Variants in TEAD1 observed in about 807,000 individuals in gnomAD.
The protein encoded by TEAD1 is transcriptional enhancer factor TEF-1.
In TEAD1, 9 loss-of-function variants were observed where a neutral mutation model predicts 54.9. That is an observed-to-expected ratio of 0.16 (90% confidence interval 0.10 to 0.29). The LOEUF (loss-of-function observed/expected upper bound fraction) is 0.29. Among genes scored for constraint, TEAD1 ranks in the 10% least tolerant of loss-of-function variants. The pLI is 1.00. For missense variants in TEAD1, 387 were observed against 535.9 expected (o/e 0.72, Z 2.74); for synonymous variants, 200 against 187.8 (o/e 1.07, Z -0.53).
At chr11:12,704,081 TTC>T (rs1943762911) in intron 2 of TEAD1, among the ~76,000 whole-genome samples, 2 of 152,236 alleles carry the variant, frequency 1.3e-5, no homozygotes, top group South Asian at 4.1e-4. Context: ...ATATATTTAT[TTC>T]TTTTTATGGT....
At chr11:12,846,943 C>T (rs1947165848) in intron 3 of TEAD1, among the ~76,000 whole-genome samples, 1 of 152,176 alleles carries the variant, frequency 6.6e-6, no homozygotes, top group Admixed American at 6.5e-5. Context: ...TCTTTGATTT[C>T]TTGGAGCTTA....
intron 10 of TEAD1, among the ~76,000 whole-genome samples, chr11:12,917,046 A>C (rs1473968581): frequency 6.6e-6 from 1 of 152,186 alleles, no homozygotes; most frequent in Non-Finnish European, 1.5e-5. Flanking sequence ...GTAGCCATGG[A>C]ATCTGTGGAT....
intron 11 of TEAD1, among the ~76,000 whole-genome samples, chr11:12,925,967 A>C (rs1948897243): frequency 6.6e-6 from 1 of 152,110 alleles, no homozygotes; most frequent in South Asian, 2.1e-4. Context: ...TTTATGTTTC[A>C]TACCTTCCTC....
At chr11:12,768,934 T>C (rs756018150) in intron 3 of TEAD1, among the ~76,000 whole-genome samples, 5 of 152,174 alleles carry the variant, frequency 3.3e-5, no homozygotes, top group South Asian at 2.1e-4. Context: ...GGCCTGTTGC[T>C]GGCAGGAAGA....
intron 9 of TEAD1, among the ~76,000 whole-genome samples, chr11:12,898,382 T>A (rs916260367): frequency 4.0e-5 from 6 of 151,510 alleles, no homozygotes; most frequent in Admixed American, 1.3e-4. Flanking sequence ...TAGCTATAAT[T>A]TATTGAACAT....
At chr11:12,820,589 G>T (rs929076036) in intron 3 of TEAD1, among the ~76,000 whole-genome samples, 1 of 152,050 alleles carries the variant, frequency 6.6e-6, no homozygotes, top group African/African-American at 2.4e-5. Flanking sequence ...AACTTGCCAG[G>T]GTCATCAGAC....
intron 2 of TEAD1, among the ~76,000 whole-genome samples, chr11:12,683,972 C>T (rs190138563): frequency 6.6e-6 from 1 of 152,264 alleles, no homozygotes; most frequent in Non-Finnish European, 1.5e-5. Flanking sequence ...CACTATATAC[C>T]AGACACATGG....
At chr11:12,925,804 C>T (rs2727380) in intron 11 of TEAD1, among the ~76,000 whole-genome samples, 93,560 of 151,974 alleles carry the variant, frequency 0.62, 29,033 homozygotes, top group South Asian at 0.73. Flanking sequence ...TGTAGATAGA[C>T]GTCAAGGTGG....
chr11:12,863,241 G>A (rs1195297120), intron 4 of TEAD1, among the ~76,000 whole-genome samples: 3 of 152,160 alleles, frequency 2.0e-5, no homozygotes, highest in Non-Finnish European at 4.4e-5. Context: ...AACGGGGAGA[G>A]GCTTTTCCCA....
intron 3 of TEAD1, among the ~76,000 whole-genome samples, chr11:12,796,371 TTG>T (rs1945922909): frequency 6.6e-6 from 1 of 152,182 alleles, no homozygotes; most frequent in Admixed American, 6.5e-5. Flanking sequence ...AGAGATGCTA[TTG>T]TGTTACTTTT....
intron 3 of TEAD1, among the ~76,000 whole-genome samples, chr11:12,784,383 G>C (rs1945631403): frequency 6.6e-6 from 1 of 152,156 alleles, no homozygotes; most frequent in Non-Finnish European, 1.5e-5. Flanking sequence ...CAGCATTCTG[G>C]ATTTGAGAAC....
At chr11:12,817,520 G>C (rs1946440888) in intron 3 of TEAD1, among the ~76,000 whole-genome samples, 1 of 152,174 alleles carries the variant, frequency 6.6e-6, no homozygotes, top group African/African-American at 2.4e-5. Context: ...TTCGGTGCCT[G>C]TGAGTGCCGA....
intron 3 of TEAD1, among the ~76,000 whole-genome samples, chr11:12,836,412 T>G (rs1250884843): frequency 8.3e-6 from 1 of 121,210 alleles, no homozygotes; most frequent in African/African-American, 3.1e-5. Context: ...AGAGCGAGAC[T>G]CCGTCTCAAA....
At chr11:12,712,630 C>T (rs1353965160) in intron 2 of TEAD1, among the ~76,000 whole-genome samples, 3 of 152,206 alleles carry the variant, frequency 2.0e-5, no homozygotes, top group Non-Finnish European at 2.9e-5. Context: ...TTACCACCAC[C>T]GCCATCACTA....
chr11:12,709,880 T>G (rs1375031511), intron 2 of TEAD1, among the ~76,000 whole-genome samples: 1 of 152,184 alleles, frequency 6.6e-6, no homozygotes, highest in Non-Finnish European at 1.5e-5. Context: ...TTTTACGTCT[T>G]TTAGTTCTTT....
intron 3 of TEAD1, among the ~76,000 whole-genome samples, chr11:12,771,843 A>C (rs1945317346): frequency 6.6e-6 from 1 of 152,208 alleles, no homozygotes; most frequent in African/African-American, 2.4e-5. Context: ...GGGAGAGTAA[A>C]GTGATTGCCT....
Position 12,712,884 on chromosome 11 carries a change from T to C in TEAD1, c.-55+37323T>C, listed in dbSNP as rs1054994185. On this transcript the variant is annotated intron_variant, in intron 2 of 12. Transcript: ENST00000527636. ...GTCTTAAATAGTACTTGGGCCTGAA[T>C]TGATAAAGAAGAGGCATCAAGTTTA... Among the ~76,000 whole-genome samples, 11 of 152,208 alleles carry C rather than the reference T, an allele frequency of 7.2e-5. No homozygotes were observed. The East Asian group carries it at 1.5e-3, about 21-fold the overall frequency.
At chr11:12,864,720 A>C (rs1947581087) in intron 4 of TEAD1, 118 bp from the exon 5 acceptor site, 1 of 1,602,648 alleles carries the variant, frequency 6.2e-7, no homozygotes, top group Non-Finnish European at 8.5e-7. Flanking sequence ...GCAAGAAAGA[A>C]AGTTCGAGAA....
intron 3 of TEAD1, among the ~76,000 whole-genome samples, chr11:12,850,361 G>A (rs928823846): frequency 3.3e-5 from 5 of 152,144 alleles, no homozygotes; most frequent in Admixed American, 2.0e-4. Context: ...GCTTGAACCC[G>A]GGAGGCGGAG....
Sources: allele counts gnomAD v4.1 joint callset (sites outside exome capture counted in the v4.1 genomes callset), GRCh38; gene constraint gnomAD v4.1.1; transcripts MANE v1.5; gene names NCBI Gene and HGNC (gene_info 2026-07-23, HGNC 2026-07-21).